CAMSAP1: variants seen among roughly 807,000 people sequenced by gnomAD.
CAMSAP1 encodes calmodulin regulated spectrin associated protein 1.
A neutral mutation model predicts 143.5 loss-of-function variants in CAMSAP1; 58 were observed. The observed-to-expected ratio is 0.40, with a 90% CI of 0.33 to 0.50. CAMSAP1 has a LOEUF of 0.50. Among genes scored for constraint, CAMSAP1 ranks in the 20% least tolerant of loss-of-function variants. The pLI is 0.45. For missense variants in CAMSAP1, 1,969 were observed against 2,115.7 expected, an observed-to-expected ratio of 0.93 and a Z score of 1.36; for synonymous variants, 945 against 859.3, an observed-to-expected ratio of 1.10 and a Z score of -1.74.
At chr9:135,880,039 C>T (rs1031845695) in intron 3 of CAMSAP1, among the ~76,000 whole-genome samples, 4 of 152,070 alleles carry the variant, frequency 2.6e-5, no homozygotes, top group Admixed American at 6.5e-5. Context: ...GATAAGATTA[C>T]GGGTAATTTA....
chr9:135,858,027 T>C (rs938339520), intron 5 of CAMSAP1, among the ~76,000 whole-genome samples: 3 of 152,088 alleles, frequency 2.0e-5, no homozygotes, highest in Middle Eastern at 3.2e-3. Flanking sequence ...GAGACCAACT[T>C]TCAAGGAATC....
chr9:135,869,506 CAAA>C (rs1181621076), intron 3 of CAMSAP1, among the ~76,000 whole-genome samples: 2 of 83,968 alleles, frequency 2.4e-5, no homozygotes, highest in Admixed American at 1.2e-4. Flanking sequence ...CAGTCTCAAA[CAAA>C]AAAAAAAAAA....
intron 1 of CAMSAP1, among the ~76,000 whole-genome samples, chr9:135,905,075 T>C (rs1210697553): frequency 6.6e-6 from 1 of 152,210 alleles, no homozygotes; most frequent in Non-Finnish European, 1.5e-5. Context: ...TAAGATGGTG[T>C]CCAGTCTTCT....
chr9:135,902,955 G>A (rs2131032894), intron 1 of CAMSAP1, among the ~76,000 whole-genome samples: 1 of 152,330 alleles, frequency 6.6e-6, no homozygotes, highest in Middle Eastern at 3.4e-3. Context: ...GGTTTCCACT[G>A]AGCTACACCG....
chr9:135,894,379 G>C (rs1254787801), intron 1 of CAMSAP1, among the ~76,000 whole-genome samples: 1 of 152,220 alleles, frequency 6.6e-6, no homozygotes, highest in Non-Finnish European at 1.5e-5. Flanking sequence ...CACCGGCACA[G>C]GAGCCACACT....
At position 135,822,823 on chromosome 9, in the gene CAMSAP1, T is replaced by G. The variant is rs747716601; in HGVS notation, c.1838A>C (p.Asp613Ala). 7 of 1,613,574 alleles carry G rather than the reference T, an allele frequency of 4.3e-6. No individual in the cohort carries two copies. The Admixed American group carries it at 6.7e-5, about 15-fold the overall frequency. Residue 613 changes from aspartate to alanine, a missense_variant, in exon 11 of 17, where the codon GAT (aspartate) becomes GCT (alanine). Asp to Ala is a moderately radical substitution (Grantham distance 126). Transcript: ENST00000389532. This position sits in a 1 kb window ranked among gnomAD's most constrained non-coding sequence, Gnocchi z 6.1. ...CCTCGGTCTCCCTTCCCCCCGTTCA[T>G]CCTCCTTGGTGATCACCTGCTTCTC... is the stretch of plus-strand genomic sequence containing the variant. ...AKEKQVITKEDERGEGRPRSI... is the reference protein window; with the variant it reads ...AKEKQVITKEAERGEGRPRSI...
intron 7 of CAMSAP1, among the ~76,000 whole-genome samples, chr9:135,841,798 T>A (rs1836361963): frequency 6.6e-6 from 1 of 152,068 alleles, no homozygotes; most frequent in South Asian, 2.1e-4. Context: ...AGGAATAGCA[T>A]CAACATCAAC....
intron 3 of CAMSAP1, among the ~76,000 whole-genome samples, chr9:135,880,036 T>C (rs62585175): frequency 0.14 from 22,003 of 152,066 alleles, 1,770 homozygotes; most frequent in Non-Finnish European, 0.17. Context: ...GGTGATAAGA[T>C]TACGGGTAAT....
intron 4 of CAMSAP1, among the ~76,000 whole-genome samples, chr9:135,863,374 C>A (rs1472811220): frequency 6.6e-6 from 1 of 152,190 alleles, no homozygotes; most frequent in Non-Finnish European, 1.5e-5. Flanking sequence ...AGCCCCACTG[C>A]CAAACAGCCT....
At chr9:135,893,300 G>A (rs1298859278) in intron 1 of CAMSAP1, among the ~76,000 whole-genome samples, 2 of 149,366 alleles carry the variant, frequency 1.3e-5, no homozygotes, top group African/African-American at 4.9e-5. Flanking sequence ...GGCAGGAAAG[G>A]CAGGAAGAAA....
intron 5 of CAMSAP1, among the ~76,000 whole-genome samples, chr9:135,859,287 A>T (rs1337529587): frequency 6.6e-6 from 1 of 152,202 alleles, no homozygotes; most frequent in Non-Finnish European, 1.5e-5. Flanking sequence ...CACTGGATGA[A>T]GCCTGAAGTC....
At chr9:135,852,935 A>C (rs974613941) in intron 5 of CAMSAP1, among the ~76,000 whole-genome samples, 5 of 152,234 alleles carry the variant, frequency 3.3e-5, no homozygotes, top group African/African-American at 1.2e-4. Context: ...GACAAAATGG[A>C]AAGATGCACT....
intron 5 of CAMSAP1, among the ~76,000 whole-genome samples, chr9:135,859,907 T>C (rs1837116242): frequency 6.6e-6 from 1 of 151,658 alleles, no homozygotes. Context: ...GAAGGTGGAC[T>C]TCAGAAAGCA....
intron 8 of CAMSAP1, among the ~76,000 whole-genome samples, chr9:135,825,413 G>A (rs1835638502): frequency 6.6e-6 from 1 of 152,076 alleles, no homozygotes; most frequent in Non-Finnish European, 1.5e-5. Flanking sequence ...ATTTTTAGAG[G>A]ACAATATGGC....
intron 3 of CAMSAP1, among the ~76,000 whole-genome samples, chr9:135,877,405 T>A (rs1332299600): frequency 6.6e-6 from 1 of 151,626 alleles, no homozygotes; most frequent in Admixed American, 6.6e-5. Flanking sequence ...TTACCTTGAT[T>A]GTGGTGAATG....
Position 135,827,456 on chromosome 9 carries a change from C to A in CAMSAP1, c.1174G>T (p.Ala392Ser). The A allele has an allele frequency of 8.1e-6, 13 of 1,602,938 alleles. No homozygotes were observed. Among genetic ancestry groups the A allele is most frequent in the Non-Finnish European group, 1.1e-5 (13 of 1,171,850 alleles). Residue 392 changes from alanine (A) to serine (S), a missense_variant, in exon 8 of 17, where the codon GCG becomes TCG. Ala to Ser is a moderately conservative substitution (Grantham distance 99, BLOSUM62 1). This residue lies in a region of CAMSAP1 where 1,390 missense variants were observed against 1,420.8 expected (regional missense o/e 0.98). Coordinates refer to ENST00000389532, the MANE Select transcript of CAMSAP1 (RefSeq NM_015447.4). ...AELQPPVQLP[A>S]EGCHRHYLHP... ...AGGTAGTGCCTGTGACAGCCTTCCG[C>A]CGGCAGCTGCACGGGGGGCTGCAGC...
At chr9:135,862,373 CTT>C (rs55684126) in intron 5 of CAMSAP1, 92 bp downstream of exon 5, 1,059 of 1,067,612 alleles carry the variant, frequency 9.9e-4, no homozygotes, top group East Asian at 4.5e-3. Flanking sequence ...TTTTCTTTCT[CTT>C]TTTTTTTTTT....
chr9:135,888,390 G>A (rs943427272), intron 1 of CAMSAP1, among the ~76,000 whole-genome samples: 9 of 152,194 alleles, frequency 5.9e-5, no homozygotes, highest in South Asian at 2.1e-4. Context: ...GCTCTTCCAC[G>A]GCAGCACACG....
intron 3 of CAMSAP1, among the ~76,000 whole-genome samples, chr9:135,872,822 T>C (rs185931760): frequency 1.3e-3 from 201 of 152,342 alleles, no homozygotes; most frequent in African/African-American, 4.5e-3. Context: ...AACTTGAATA[T>C]GTGTAAACGT....
Sources: allele counts gnomAD v4.1 joint callset (sites outside exome capture counted in the v4.1 genomes callset), GRCh38; gene constraint gnomAD v4.1.1; regional missense constraint gnomAD v4.1.1; non-coding constraint Gnocchi (gnomAD v3.1); transcripts MANE v1.5; gene names NCBI Gene and HGNC (gene_info 2026-07-23, HGNC 2026-07-21).